Variants in DOCK8 observed in about 807,000 individuals in gnomAD.
The protein encoded by DOCK8 is dedicator of cytokinesis 8.
A neutral mutation model predicts 245.6 loss-of-function variants in DOCK8; 141 were observed. The observed-to-expected ratio is 0.57, with a 90% CI of 0.50 to 0.66. The LOEUF (loss-of-function observed/expected upper bound fraction) is 0.66. Among genes scored for constraint, DOCK8 ranks in the 30% least tolerant of loss-of-function variants. The pLI, the probability that DOCK8 is intolerant of heterozygous loss-of-function variation, is 0.00. For missense variants in DOCK8, 2,965 were observed against 2,603.4 expected, an observed-to-expected ratio of 1.14 and a Z score of -3.02; for synonymous variants, 1,168 against 970.2, an observed-to-expected ratio of 1.20 and a Z score of -3.79.
rs1479631761 is a variant in DOCK8, at chr9:334,284, G to A, written c.1185G>A (p.Gly395=). ...LQAESFCQRL[G]KYRMPFAWAP... ...CTGAATCCTTCTGCCAGCGTTTGGG[G>A]AAATACCGGATGCCCTTTGCCTGGG... Residue 395 remains glycine (G), a synonymous_variant, in exon 11 of 48, where the codon GGG becomes GGA. Transcript: ENST00000432829. The A allele has an allele frequency of 6.2e-7, 1 of 1,614,216 alleles. No individual in the cohort carries two copies.
chr9:214,972 G>C lies in DOCK8; in HGVS notation c.-5G>C. ...CCCTAGAAGCCACCGAACCGCCGGCGGGCCATGGCCACTCTGCCGAGCGCA... is the reference window on the plus strand; with the variant it reads ...CCCTAGAAGCCACCGAACCGCCGGCCGGCCATGGCCACTCTGCCGAGCGCA... On this transcript the variant is annotated 5_prime_UTR_variant, in exon 1 of 48. Transcript: ENST00000432829. 6.2e-7 allele frequency: 1 copy of C among 1,601,666 alleles called. No homozygotes were observed. The highest frequency in any genetic ancestry group is 8.5e-7 in the Non-Finnish European group (1 of 1,176,612).
At chr9:342,190 TTC>T (rs2051632639) in intron 14 of DOCK8, among the ~76,000 whole-genome samples, 1 of 152,078 alleles carries the variant, frequency 6.6e-6, no homozygotes, top group Non-Finnish European at 1.5e-5. Context: ...AAAAATTGTC[TTC>T]CATGAAACCA....
In DOCK8 at chr9:446,589, G is replaced by A. The variant is rs781705709; in HGVS notation, c.5800G>A (p.Val1934Ile). The A allele has an allele frequency of 1.1e-5, 18 of 1,614,024 alleles. No individual in the cohort carries two copies. Among genetic ancestry groups the A allele is most frequent in the East Asian group, 2.2e-5 (1 of 44,886 alleles). Residue 1934 changes from valine to isoleucine, a missense_variant, in exon 44 of 48, where the codon GTC (valine) becomes ATC (isoleucine). Transcript: ENST00000432829. ...CCCCTACATCAAGACCAGGATCAGC[G>A]TCATCCAGAAGGAGGAGGTAATGCA... ...AFPYIKTRISVIQKEEFVLTP... is the reference protein window; with the variant it reads ...AFPYIKTRISIIQKEEFVLTP...
At chr9:405,141 AT>A in intron 27 of DOCK8, 68 bp downstream of exon 27, 1 of 1,463,328 alleles carries the variant, frequency 6.8e-7, no homozygotes, top group Non-Finnish European at 9.4e-7. Flanking sequence ...CAGTTTAATC[AT>A]GTATTTCCTA....
intron 42 of DOCK8, 64 bp downstream of exon 42, chr9:442,073 A>G: frequency 6.3e-7 from 1 of 1,595,648 alleles, no homozygotes; most frequent in Non-Finnish European, 8.6e-7. Context: ...AGAGTGGGTC[A>G]TCACCAAAAA....
intron 2 of DOCK8, among the ~76,000 whole-genome samples, chr9:280,531 C>G (rs907513412): frequency 2.0e-5 from 3 of 152,194 alleles, no homozygotes; most frequent in Non-Finnish European, 4.4e-5. Context: ...TCCCAACAGA[C>G]TGAGCTCCCT....
At chr9:304,028 A>T (rs2049687115) in intron 4 of DOCK8, among the ~76,000 whole-genome samples, 1 of 152,104 alleles carries the variant, frequency 6.6e-6, no homozygotes, top group South Asian at 2.1e-4. Flanking sequence ...TCTGTTTTAA[A>T]CTCTTCCCAC....
chr9:220,603 G>A (rs1267796115), intron 1 of DOCK8: 6 of 271,382 alleles, frequency 2.2e-5, no homozygotes, highest in African/African-American at 4.7e-5. Flanking sequence ...AGAAACAAAA[G>A]CATTTAGTTT....
At chr9:422,892 G>C (rs2056331118) in intron 33 of DOCK8, among the ~76,000 whole-genome samples, 1 of 151,572 alleles carries the variant, frequency 6.6e-6, no homozygotes, top group South Asian at 2.1e-4. Context: ...GGCTGAGGAG[G>C]AAGAGTCGCT....
chr9:257,800 A>G (rs2047816023), intron 1 of DOCK8, among the ~76,000 whole-genome samples: 1 of 152,184 alleles, frequency 6.6e-6, no homozygotes, highest in Non-Finnish European at 1.5e-5. Flanking sequence ...TACAGGCGTG[A>G]GCCACCGCGC....
intron 41 of DOCK8, 151 bp downstream of exon 41, chr9:441,568 C>G: frequency 7.8e-7 from 1 of 1,275,278 alleles, no homozygotes; most frequent in Non-Finnish European, 1.1e-6. Flanking sequence ...GGCTGAAATT[C>G]TTCTAACAGA....
In DOCK8 at chr9:312,219, A is replaced by G. The variant is rs549133690; in HGVS notation, c.741+53A>G. On this transcript the variant is annotated intron_variant, in intron 6 of 47. Coordinates refer to ENST00000432829, the MANE Select transcript of DOCK8 (RefSeq NM_203447.4). ...AATCTCAGTGAAGACTCTGAGAGTC[A>G]TGTGGACAATTGTGTTGTTCATTAT... 160 of 1,585,174 alleles carry G rather than the reference A, an allele frequency of 1.0e-4. 1 individual carries two copies. In the East Asian group the frequency reaches 2.6e-3, roughly 26 times the overall value.
intron 46 of DOCK8, among the ~76,000 whole-genome samples, chr9:461,140 C>T (rs10815001): frequency 0.45 from 68,952 of 151,732 alleles, 18,555 homozygotes; most frequent in Non-Finnish European, 0.62. Flanking sequence ...CCAGGTTTAA[C>T]GGTCCACAAG....
intron 37 of DOCK8, among the ~76,000 whole-genome samples, chr9:433,056 GT>G (rs1474209200): frequency 2.6e-5 from 4 of 152,230 alleles, no homozygotes; most frequent in Non-Finnish European, 5.9e-5. Flanking sequence ...TCCGGAGTCT[GT>G]TTTGCCCTCT....
intron 15 of DOCK8, chr9:369,928 A>C: frequency 2.6e-6 from 1 of 389,796 alleles, no homozygotes; most frequent in South Asian, 2.4e-5. Context: ...CCGCCCCCTG[A>C]GTAGCAGGGA....
At chr9:282,474 A>G (rs372297375) in intron 2 of DOCK8, among the ~76,000 whole-genome samples, 1 of 142,792 alleles carries the variant, frequency 7.0e-6, no homozygotes, top group African/African-American at 2.6e-5. Context: ...GCTGGAGTGC[A>G]GTGATGTGAT....
chr9:241,906 A>C (rs1177944245), intron 1 of DOCK8, among the ~76,000 whole-genome samples: 1 of 152,218 alleles, frequency 6.6e-6, no homozygotes, highest in South Asian at 2.1e-4. Flanking sequence ...GAGCCACAGC[A>C]CCTGGCATGG....
At chr9:309,460 A>G (rs942525214) in intron 5 of DOCK8, among the ~76,000 whole-genome samples, 4 of 152,168 alleles carry the variant, frequency 2.6e-5, no homozygotes, top group Admixed American at 2.6e-4. Context: ...CATAAATTTT[A>G]TAGATATTTA....
At chr9:256,276 C>T (rs775138954) in intron 1 of DOCK8, among the ~76,000 whole-genome samples, 3 of 152,188 alleles carry the variant, frequency 2.0e-5, no homozygotes, top group Non-Finnish European at 2.9e-5. Flanking sequence ...CTGAGCCTTA[C>T]TTCTGGAAAA....
Sources: allele counts gnomAD v4.1 joint callset (sites outside exome capture counted in the v4.1 genomes callset), GRCh38; gene constraint gnomAD v4.1.1; transcripts MANE v1.5; gene names NCBI Gene and HGNC (gene_info 2026-07-23, HGNC 2026-07-21).